Variants in SPTBN2 observed in about 807,000 individuals in gnomAD.
SPTBN2 encodes the protein spectrin beta, non-erythrocytic 2.
Under a neutral mutation model 284.2 loss-of-function variants are expected in SPTBN2, and 107 were observed. The ratio of observed to expected loss-of-function variants is 0.38; its 90% CI spans 0.32 to 0.44. The LOEUF (loss-of-function observed/expected upper bound fraction) is 0.44. Ranked by LOEUF, SPTBN2 falls within the 20% of genes least tolerant of loss-of-function variation. The probability of loss-of-function intolerance (pLI) is 1.00; values close to 1 mark genes in which losing one functional copy is unlikely to be tolerated. For synonymous variants in SPTBN2, 1,289 were observed against 1,354.8 expected, an observed-to-expected ratio of 0.95 and a Z score of 1.07; for missense variants, 2,569 against 3,287.1, an observed-to-expected ratio of 0.78 and a Z score of 5.34.
chr11:66,689,078 G>C lies in SPTBN2; in HGVS notation c.6034+18C>G. 2 of 1,597,720 alleles carry C rather than the reference G, an allele frequency of 1.3e-6. No individual in the cohort carries two copies. Among genetic ancestry groups the C allele is most frequent in the Admixed American group, 3.4e-5 (2 of 58,054 alleles). On this transcript the variant is annotated intron_variant, in intron 30 of 37. Coordinates refer to ENST00000533211, the MANE Select transcript of SPTBN2 (RefSeq NM_006946.4). ...CCCCCCACTCCCCACAGGGCCTGGG[G>C]CCCCCTTGGCAGCTCACCCAGCTGA...
Position 66,723,395 on chromosome 11 carries a change from G to A in SPTBN2, c.-113-1955C>T, listed in dbSNP as rs1342396639. On this transcript the variant is annotated intron_variant, in intron 1 of 37. Transcript: ENST00000533211. The stretch of plus-strand genomic sequence containing the variant: ...GGTTCTGGAAGGAAGGAGGTCTGGA[G>A]AATAGAGAAGTGCTGGGTGGTGAGA... 3.3e-5 allele frequency among the ~76,000 whole-genome samples: 5 copies of A among 152,122 alleles called. No homozygotes were observed. In the East Asian group the frequency reaches 9.6e-4, roughly 29 times the overall value.
At chr11:66,689,015 T>C in intron 30 of SPTBN2, 81 bp downstream of exon 30, 1 of 1,495,454 alleles carries the variant, frequency 6.7e-7, no homozygotes, top group Non-Finnish European at 9.2e-7. Flanking sequence ...CCAGGGTTCC[T>C]AGTCTCACCT....
chr11:66,698,577 C>T lies in SPTBN2; in HGVS notation c.4014+62G>A. 1.9e-6 allele frequency: 3 copies of T among 1,611,900 alleles called. No individual in the cohort carries two copies. In the South Asian group the frequency reaches 3.3e-5, roughly 18 times the overall value. ...CCATGACAAAAACCACGTCCTGGAG[C>T]CAGGCCCTCCCCCGTACCATGGGGG... On this transcript the variant is annotated intron_variant, in intron 20 of 37. Transcript: ENST00000533211.
chr11:66,691,647 G>C lies in SPTBN2; in HGVS notation c.5202C>G (p.Asp1734Glu), dbSNP rs377666600. 3 of 1,613,734 alleles carry C rather than the reference G, an allele frequency of 1.9e-6. No homozygotes were observed. The highest frequency in any genetic ancestry group is 2.5e-6 in the Non-Finnish European group (3 of 1,180,048). The change falls in exon 27 of 38, where the codon GAC becomes GAG. Residue 1734 changes from aspartate to glutamate, a missense_variant. Transcript: ENST00000533211. The surrounding 1 kb of genome is among the most constrained non-coding windows in gnomAD (Gnocchi z 8.0). Reference sequence around the variant, plus strand: ...TGTCCCGGGAGAACTCTCGGAATTTGTCTCGGAGCATCTGGTAGAGGAAGC... The same window carrying C: ...TGTCCCGGGAGAACTCTCGGAATTTCTCTCGGAGCATCTGGTAGAGGAAGC... ...QDYEHVTMLRDKFREFSRDTS... is the reference protein window; with the variant it reads ...QDYEHVTMLREKFREFSRDTS...
At position 66,700,012 on chromosome 11, in the gene SPTBN2, C is replaced by T. The variant is rs1429024005; in HGVS notation, c.3574-404G>A. Among the ~76,000 whole-genome samples the T allele has an allele frequency of 6.6e-6, 1 of 151,606 alleles. No homozygotes were observed. The highest frequency in any genetic ancestry group is 1.5e-5 in the Non-Finnish European group (1 of 67,926). On this transcript the variant is annotated intron_variant, in intron 17 of 37. Transcript: ENST00000533211. The surrounding 1 kb of genome is among the most constrained non-coding windows in gnomAD (Gnocchi z 6.6). ...TCATTCTGTGGCCCAGGTTGGAGTG[C>T]AGTGGCATATCATAGCTCACTGCAG... is the stretch of plus-strand genomic sequence containing the variant.
chr11:66,710,851 C>A lies in SPTBN2; in HGVS notation c.885+66G>T. On this transcript the variant is annotated intron_variant, in intron 9 of 37. Transcript: ENST00000533211. This position sits in a 1 kb window ranked among gnomAD's most constrained non-coding sequence, Gnocchi z 4.9. ...CCTGCAGCTCCACCCTGCCCTTGCA[C>A]TAGGGCAGTAAGACCCCTCAGCCGG... 6.2e-7 allele frequency: 1 copy of A among 1,611,332 alleles called. No homozygotes were observed. Among genetic ancestry groups the A allele is most frequent in the Non-Finnish European group, 8.5e-7 (1 of 1,177,948 alleles).
At chr11:66,697,685 C>T (rs1839649905) in intron 20 of SPTBN2, among the ~76,000 whole-genome samples, 1 of 152,308 alleles carries the variant, frequency 6.6e-6, no homozygotes, top group Admixed American at 6.5e-5. Flanking sequence ...CTCCTCTCTC[C>T]TTATTCCCCA....
rs769505827 is a variant in SPTBN2, at chr11:66,694,247, G to C, written c.4395C>G (p.Ala1465=). ...GAGEVERTSR[A]VEEKFRALCQ... Reference sequence around the variant, plus strand: ...ACAAGGCCCTGAACTTCTCCTCCACGGCCCTCGAGGTTCTCTCCACCTCCC... The same window carrying C: ...ACAAGGCCCTGAACTTCTCCTCCACCGCCCTCGAGGTTCTCTCCACCTCCC... Residue 1465 remains alanine, a synonymous_variant, in exon 22 of 38, where the codon GCC becomes GCG. Coordinates refer to ENST00000533211, the MANE Select transcript of SPTBN2 (RefSeq NM_006946.4). 1 of 1,614,080 alleles carries C rather than the reference G, an allele frequency of 6.2e-7. No homozygotes were observed. Among genetic ancestry groups the C allele is most frequent in the Non-Finnish European group, 8.5e-7 (1 of 1,180,014 alleles).
chr11:66,687,925 G>A lies in SPTBN2; in HGVS notation c.6451-7C>T. ...TCTGTTGTCCCAGCAGGGGCTGCAA[G>A]GACAAGAATCTGTAAAAGGATGTGC... On this transcript the variant is annotated splice_region_variant and splice_polypyrimidine_tract_variant and intron_variant, in intron 33 of 37. Transcript: ENST00000533211. This position sits in a 1 kb window ranked among gnomAD's most constrained non-coding sequence, Gnocchi z 5.2. 6.2e-7 allele frequency: 1 copy of A among 1,614,174 alleles called. No individual in the cohort carries two copies. Among genetic ancestry groups the A allele is most frequent in the South Asian group, 1.1e-5 (1 of 91,084 alleles).
intron 3 of SPTBN2, among the ~76,000 whole-genome samples, chr11:66,717,486 C>T (rs1351727827): frequency 6.6e-6 from 1 of 152,188 alleles, no homozygotes; most frequent in Non-Finnish European, 1.5e-5. Flanking sequence ...AACACACCCA[C>T]GTCGCTCCGT....
At position 66,692,842 on chromosome 11, in the gene SPTBN2, C is replaced by T. The variant is rs1020728277; in HGVS notation, c.4986-102G>A. The T allele has an allele frequency of 3.2e-5, 51 of 1,595,088 alleles. 1 individual carries two copies. The East Asian group carries it at 7.4e-4, about 23-fold the overall frequency. ...TCCCTCTGAGTCTCCCAACAGCTCG[C>T]CCACCCTGTGTTCCAGCTTTCTAGA... is the stretch of plus-strand genomic sequence containing the variant. On this transcript the variant is annotated intron_variant, in intron 25 of 37. Coordinates refer to ENST00000533211, the MANE Select transcript of SPTBN2 (RefSeq NM_006946.4).
intron 1 of SPTBN2, among the ~76,000 whole-genome samples, chr11:66,721,773 C>G (rs752111174): frequency 6.6e-6 from 1 of 152,166 alleles, no homozygotes; most frequent in Non-Finnish European, 1.5e-5. Context: ...TTGTTGGGCG[C>G]GGTGGCTCAC....
chr11:66,709,423 C>G (rs1941742463), intron 10 of SPTBN2, among the ~76,000 whole-genome samples: 1 of 152,196 alleles, frequency 6.6e-6, no homozygotes, highest in South Asian at 2.1e-4. Flanking sequence ...AGTGATCCAC[C>G]CGCCTCAGTC....
At chr11:66,712,428 T>C (rs1376014925) in intron 8 of SPTBN2, among the ~76,000 whole-genome samples, 1 of 151,930 alleles carries the variant, frequency 6.6e-6, no homozygotes, top group Non-Finnish European at 1.5e-5. Flanking sequence ...GCGCCTGTAA[T>C]CTCAGCTACT....
intron 1 of SPTBN2, among the ~76,000 whole-genome samples, chr11:66,743,790 C>CG (rs1417650300): frequency 6.6e-6 from 1 of 152,148 alleles, no homozygotes; most frequent in Non-Finnish European, 1.5e-5. Flanking sequence ...CCCACCTTTG[C>CG]GGGGGAAGCT....
At chr11:66,720,666 G>GA (rs775248913) in intron 3 of SPTBN2, among the ~76,000 whole-genome samples, 31 of 152,130 alleles carry the variant, frequency 2.0e-4, no homozygotes, top group Non-Finnish European at 3.2e-4. Context: ...GAGCAGAGGG[G>GA]AATAATAGAC....
chr11:66,705,264 C>T lies in SPTBN2; in HGVS notation c.2012G>A (p.Arg671Gln), dbSNP rs1443491358. ...QHLLASADTG[R>Q]DLTGALRLLN... ...CAGGCGGAGGGCACCGGTCAGGTCT[C>T]GGCCCGTGTCGGCTGAGGCCAGGAG... Residue 671 changes from arginine to glutamine, a missense_variant, in exon 15 of 38, where the codon CGA becomes CAA. Arg to Gln is a conservative substitution (Grantham distance 43, BLOSUM62 1). Around this residue, in one of 6 missense-constraint regions of SPTBN2, gnomAD observed 1,012 missense variants for 1,248.9 expected, o/e 0.81. Coordinates refer to ENST00000533211, the MANE Select transcript of SPTBN2 (RefSeq NM_006946.4). 3.2e-6 allele frequency: 5 copies of T among 1,584,502 alleles called. No individual in the cohort carries two copies. The highest frequency in any genetic ancestry group is 4.3e-6 in the Non-Finnish European group (5 of 1,171,550).
Position 66,685,796 on chromosome 11 carries a change from A to T in SPTBN2, c.*75T>A. The T allele has an allele frequency of 7.1e-7, 1 of 1,418,370 alleles. No homozygotes were observed. Among genetic ancestry groups the T allele is most frequent in the Non-Finnish European group, 9.9e-7 (1 of 1,006,398 alleles). 87.9% of individuals were successfully genotyped at this position (1,418,370 alleles called of 1,614,324 possible). On this transcript the variant is annotated 3_prime_UTR_variant, in exon 38 of 38. Transcript: ENST00000533211. This position sits in a 1 kb window ranked among gnomAD's most constrained non-coding sequence, Gnocchi z 4.4. ...AGCAGCAGGCAGTTGTCCTGACAAG[A>T]GGGCGGTCCCTGTCGACTGTCCCTG...
chr11:66,734,551 A>G (rs187825025), intron 1 of SPTBN2, among the ~76,000 whole-genome samples: 279 of 152,126 alleles, frequency 1.8e-3, no homozygotes, highest in African/African-American at 5.8e-3. Context: ...CATTCACCCA[A>G]TGTTTACTCA....
Sources: gnomAD v4.1 joint callset for allele counts (sites outside exome capture counted in the v4.1 genomes callset) on GRCh38, gnomAD v4.1.1 for gene constraint, gnomAD v4.1.1 regional missense constraint, Gnocchi (gnomAD v3.1) non-coding constraint, MANE v1.5 for transcripts, NCBI Gene and HGNC (gene_info 2026-07-23, HGNC 2026-07-21) for gene names.